The following EVA1C variants were observed in gnomAD, a reference collection of about 807,000 sequenced individuals.
EVA1C encodes the protein protein eva-1 homolog C.
Under a neutral mutation model 45.4 loss-of-function variants are expected in EVA1C, and 25 were observed. That is an observed-to-expected ratio of 0.55 (90% CI 0.40 to 0.77). The LOEUF is 0.77. Ranked by LOEUF, EVA1C falls within the 30% of genes least tolerant of loss-of-function variation. The pLI is 0.00. For missense variants in EVA1C, 479 were observed against 554.8 expected, an observed-to-expected ratio of 0.86 and a Z score of 1.37; for synonymous variants, 190 against 221.2, an observed-to-expected ratio of 0.86 and a Z score of 1.25.
chr21:32,509,613 G>C lies in EVA1C; in HGVS notation c.950-5201G>C, dbSNP rs187244384. ...GGGATGGCACTGGGGATTTGGCAAA[G>C]AGCAAGATGGTTCCAGCCCCTGCCC... On this transcript the variant is annotated intron_variant, in intron 7 of 7. Transcript: ENST00000300255. 3.3e-5 allele frequency among the ~76,000 whole-genome samples: 5 copies of C among 152,300 alleles called. No individual in the cohort carries two copies. In the East Asian group the frequency reaches 7.7e-4, roughly 24 times the overall value.
At chr21:32,412,328 G>C (rs987569592), upstream of EVA1C, 5 of 151,946 alleles carry the variant, frequency 3.3e-5, no homozygotes, top group South Asian at 1.0e-3. Context: ...CTGCACGCGC[G>C]GCGCTGGCTC....
Position 32,450,571 on chromosome 21 carries a change from G to A in EVA1C, c.161-2741G>A, listed in dbSNP as rs2035545391. On this transcript the variant is annotated intron_variant, in intron 1 of 7. Transcript: ENST00000300255. ...TCATGAGGAGGCTGAAGAGATCTAA[G>A]TATAGGGGTGCCAGCCTGGGGCACT... 3.9e-5 allele frequency among the ~76,000 whole-genome samples: 6 copies of A among 152,256 alleles called. No homozygotes were observed. The South Asian group carries it at 1.2e-3, about 32-fold the overall frequency.
chr21:32,422,635 T>C (rs2034325327), intron 1 of EVA1C, among the ~76,000 whole-genome samples: 1 of 152,168 alleles, frequency 6.6e-6, no homozygotes, highest in Non-Finnish European at 1.5e-5. Context: ...GTGGGAGCCA[T>C]AGACAGCGAA....
Position 32,493,768 on chromosome 21 carries a change from CTTTTTATT to C in EVA1C, c.635-1257_635-1250del, listed in dbSNP as rs992243299. ...TCATCTGGGTAAAAAGCAAGGTAGGCTTTTTATTTATTTATTTATTTATTTATTTATTT... is the reference window on the plus strand; with the variant it reads ...TCATCTGGGTAAAAAGCAAGGTAGGCTATTTATTTATTTATTTATTTATTT... On this transcript the variant is annotated intron_variant, in intron 4 of 7. Transcript: ENST00000300255. 3 of 143,162 alleles carry C rather than the reference CTTTTTATT, an allele frequency of 2.1e-5. No individual in the cohort carries two copies. In the East Asian group the frequency reaches 6.1e-4, roughly 29 times the overall value. The allele number at this position is 143,162 out of a possible 1,614,324, so 8.9% of individuals were successfully genotyped here.
At chr21:32,443,040 G>T (rs1236498962) in intron 1 of EVA1C, among the ~76,000 whole-genome samples, 4 of 149,176 alleles carry the variant, frequency 2.7e-5, no homozygotes, top group Non-Finnish European at 4.5e-5. Context: ...GAGGAAGGGT[G>T]GGGAGGGAGG....
chr21:32,416,321 CTTTTTTT>C lies in EVA1C; in HGVS notation c.160+3321_160+3327del, dbSNP rs909665670. On this transcript the variant is annotated intron_variant, in intron 1 of 7. Coordinates refer to ENST00000300255, the MANE Select transcript of EVA1C (RefSeq NM_058187.5). ...TTTCTCTCCTTTTCTTTTTCTTTTT[CTTTTTTT>C]TTTTTTTTTTTTCTTTTTGAGACGC... Among the ~76,000 whole-genome samples the C allele has an allele frequency of 6.3e-3, 843 of 134,292 alleles. 13 individuals carry two copies. Among genetic ancestry groups the C allele is most frequent in the Admixed American group, 0.043 (553 of 12,798 alleles). The allele number at this position is 134,292 out of a possible 152,430, so 88.1% of individuals were successfully genotyped here. A position where few individuals can be genotyped will look rare whatever the true frequency, so the allele number is the denominator to read the frequency against.
At chr21:32,424,343 G>C (rs975311879) in intron 1 of EVA1C, among the ~76,000 whole-genome samples, 1 of 152,048 alleles carries the variant, frequency 6.6e-6, no homozygotes, top group Non-Finnish European at 1.5e-5. Context: ...CTCCCTGCCT[G>C]CTCAACAGGA....
chr21:32,443,719 T>C lies in EVA1C; in HGVS notation c.161-9593T>C, dbSNP rs116298871. On this transcript the variant is annotated intron_variant, in intron 1 of 7. Coordinates refer to ENST00000300255, the MANE Select transcript of EVA1C (RefSeq NM_058187.5). ...CACAGTCATACACCCTAATTCCTAG[T>C]GCTCTCTTTTATTTTTATTTTAGCT... is the stretch of plus-strand genomic sequence containing the variant. Among the ~76,000 whole-genome samples the C allele has an allele frequency of 9.3e-3, 1,423 of 152,316 alleles. 31 individuals carry two copies. The highest frequency in any genetic ancestry group is 0.033 in the African/African-American group (1,366 of 41,564).
Position 32,514,986 on chromosome 21 carries a change from TGAA to T in EVA1C, c.1128_1130del (p.Glu379del). The T allele has an allele frequency of 1.2e-6, 2 of 1,613,946 alleles. No homozygotes were observed. Among genetic ancestry groups the T allele is most frequent in the Non-Finnish European group, 1.7e-6 (2 of 1,179,976 alleles). On this transcript the variant is annotated inframe_deletion, in exon 8 of 8. Transcript: ENST00000300255. ...ACAAGGTCGAGGAGGACAGCGAGGA[TGAA>T]GAAGAGGAGGAGGACCCCTCTGAGT...
chr21:32,422,411 A>T (rs1311371640), intron 1 of EVA1C, among the ~76,000 whole-genome samples: 1 of 152,306 alleles, frequency 6.6e-6, no homozygotes, highest in East Asian at 1.9e-4. Context: ...GGAAAAGGAG[A>T]GAGAGGCAAC....
rs2035653733 is a variant in EVA1C at position 32,453,312 on chromosome 21, G to T, written c.161G>T (p.Gly54Val). ...AGTAACTCGACTGAATATTTTCCAG[G>T]TTACCTAACCAAACTCCTGCAAAAC... Reference protein sequence around the residue: ...KEISALTDFSGYLTKLLQNHT... With the variant: ...KEISALTDFSVYLTKLLQNHT... The change falls in exon 2 of 8, where the codon GGT becomes GTT. Residue 54 changes from glycine (G) to valine (V), a missense_variant and splice_region_variant. Around this residue, in one of 3 missense-constraint regions of EVA1C, gnomAD observed 33 missense variants for 64.9 expected, o/e 0.51. Transcript: ENST00000300255. The T allele has an allele frequency of 6.3e-7, 1 of 1,587,974 alleles. No homozygotes were observed. The highest frequency in any genetic ancestry group is 1.3e-5 in the African/African-American group (1 of 74,518).
At chr21:32,469,168 AGCTGAC>A (rs2036287031) in intron 4 of EVA1C, among the ~76,000 whole-genome samples, 1 of 152,172 alleles carries the variant, frequency 6.6e-6, no homozygotes, top group Admixed American at 6.5e-5. Context: ...ACCCTCGTGG[AGCTGAC>A]GTTCCAGCAG....
rs768012861 is a variant in EVA1C, at chr21:32,457,697, T to C, written c.458T>C (p.Leu153Pro). 15 of 1,614,194 alleles carry C rather than the reference T, an allele frequency of 9.3e-6. No individual in the cohort carries two copies. Among genetic ancestry groups the C allele is most frequent in the Non-Finnish European group, 1.3e-5 (15 of 1,180,006 alleles). ...TGTCCAGGAAGCAGTAAATACCTCC[T>C]GGTCTCCTTTAAATGCCAACCTAGT... ...DLCPGSSKYL[L>P]VSFKCQPNEL... The change falls in exon 3 of 8, where the codon CTG (leucine) becomes CCG (proline). Residue 153 changes from leucine (L) to proline (P), a missense_variant. By Grantham distance (98) the Leu-to-Pro change is moderately conservative. Transcript: ENST00000300255.
chr21:32,422,741 A>G (rs1332158658), intron 1 of EVA1C, among the ~76,000 whole-genome samples: 1 of 152,114 alleles, frequency 6.6e-6, no homozygotes, highest in Non-Finnish European at 1.5e-5. Context: ...GAGTGTGTGA[A>G]GGAAAGACAA....
Position 32,513,135 on chromosome 21 carries a change from A to G in EVA1C, c.950-1679A>G, listed in dbSNP as rs567381843. ...ATTATAATACTTACAATGATATAAT[A>G]TCATTATAGTAGTATTATAATACTT... On this transcript the variant is annotated intron_variant, in intron 7 of 7. Coordinates refer to ENST00000300255, the MANE Select transcript of EVA1C (RefSeq NM_058187.5). 5.4e-5 allele frequency among the ~76,000 whole-genome samples: 8 copies of G among 149,526 alleles called. No homozygotes were observed. In the South Asian group the frequency reaches 1.7e-3, roughly 31 times the overall value.
chr21:32,457,776 C>T lies in EVA1C; in HGVS notation c.481+56C>T, dbSNP rs2035843225. The T allele has an allele frequency of 1.9e-6, 3 of 1,600,030 alleles. No homozygotes were observed. The Admixed American group carries it at 5.1e-5, about 27-fold the overall frequency. ...TGGGGTGTGGTTCTCGTTTCCTTCA[C>T]ACTCCTGGTCAAAATTCTCTGCCCG... On this transcript the variant is annotated intron_variant, in intron 3 of 7. Transcript: ENST00000300255.
At chr21:32,428,191 C>T (rs527822209) in intron 1 of EVA1C, 9 of 152,302 alleles carry the variant, frequency 5.9e-5, no homozygotes, top group African/African-American at 2.2e-4. Context: ...TCTGCTCAAA[C>T]CACTCATTTG....
chr21:32,494,954 G>C (rs2037294448), intron 4 of EVA1C, 73 bp from the exon 5 acceptor site: 1 of 1,425,696 alleles, frequency 7.0e-7, no homozygotes, highest in South Asian at 1.3e-5. Context: ...TTTATTTACA[G>C]AGAATGCTGT....
In EVA1C at chr21:32,412,891, C is replaced by A; in HGVS notation, c.38C>A (p.Pro13His). ...GGACGCGCACGCCAACCGCCGACGC[C>A]CCAGCCCGTGCAGCATCCCGGCCTC... ...LPGRARQPPT[P>H]QPVQHPGLRR... The change falls in exon 1 of 8, where the codon CCC becomes CAC. Residue 13 changes from proline (P) to histidine (H), a missense_variant. Around this residue, in one of 3 missense-constraint regions of EVA1C, gnomAD observed 80 missense variants for 63.8 expected, o/e 1.25. Transcript: ENST00000300255. 4.0e-6 allele frequency: 6 copies of A among 1,509,470 alleles called. No homozygotes were observed. The highest frequency in any genetic ancestry group is 5.3e-6 in the Non-Finnish European group (6 of 1,133,448). The allele number at this position is 1,509,470 out of a possible 1,614,324, so 93.5% of individuals were successfully genotyped here.
Sources: allele counts gnomAD v4.1 joint callset (sites outside exome capture counted in the v4.1 genomes callset), GRCh38; gene constraint gnomAD v4.1.1; regional missense constraint gnomAD v4.1.1; transcripts MANE v1.5; gene names NCBI Gene and HGNC (gene_info 2026-07-23, HGNC 2026-07-21).